PXK: variants seen among roughly 807,000 people sequenced by gnomAD.
PXK encodes the protein PX domain containing serine/threonine kinase like, also known as PX domain-containing protein kinase-like protein.
PXK carries 35 observed loss-of-function variants against 84.7 expected under a neutral mutation model. The ratio of observed to expected loss-of-function variants is 0.41; its 90% confidence interval spans 0.32 to 0.55. The LOEUF (loss-of-function observed/expected upper bound fraction) is 0.55, where lower values mean the gene tolerates loss of function less well. Among genes scored for constraint, PXK ranks in the 20% least tolerant of loss-of-function variants. The pLI is 0.21. For synonymous variants in PXK, 253 were observed against 260.8 expected, an observed-to-expected ratio of 0.97 and a Z score of 0.29; for missense variants, 634 against 699.7, an observed-to-expected ratio of 0.91 and a Z score of 1.06.
At chr3:58,344,619 T>C (rs900097718) in intron 1 of PXK, among the ~76,000 whole-genome samples, 3 of 152,050 alleles carry the variant, frequency 2.0e-5, no homozygotes, top group African/African-American at 7.2e-5. Flanking sequence ...AGGCCAGGAG[T>C]TCGAGACCAG....
Position 58,409,774 on chromosome 3 carries a change from G to GA in PXK, c.1395+165dup, listed in dbSNP as rs34734687. Among the ~76,000 whole-genome samples the GA allele has an allele frequency of 0.74, 110,909 of 150,424 alleles. 41,290 individuals are homozygous for GA. The highest frequency in any genetic ancestry group is 0.81 in the South Asian group (3,861 of 4,752). Reference sequence around the variant, plus strand: ...ATGACTGGGGTGCAGTTTTTTTGGGGAAAAAAAAAGAGTCATATGATAATC... The same window carrying GA: ...ATGACTGGGGTGCAGTTTTTTTGGGGAAAAAAAAAAGAGTCATATGATAATC... On this transcript the variant is annotated intron_variant, in intron 15 of 17. Coordinates refer to ENST00000356151, the MANE Select transcript of PXK (RefSeq NM_017771.5). This position sits in a 1 kb window ranked among gnomAD's most constrained non-coding sequence, Gnocchi z 4.2.
In PXK at chr3:58,382,940, T is replaced by C. The variant is rs1007388582; in HGVS notation, c.388+240T>C. Among the ~76,000 whole-genome samples, 13 of 152,260 alleles carry C rather than the reference T, an allele frequency of 8.5e-5. 2 individuals are homozygous for C. Among genetic ancestry groups the C allele is most frequent in the Admixed American group, 6.5e-5 (1 of 15,286 alleles). On this transcript the variant is annotated intron_variant, in intron 4 of 17. Transcript: ENST00000356151. ...ACAGAAAAATATGGAAGAGAAATTA[T>C]TGTATGTATACTTATACTCTTGCCT...
In PXK at chr3:58,333,220, G is replaced by A. The variant is rs1284868679; in HGVS notation, c.102+130G>A. 5 of 472,788 alleles carry A rather than the reference G, an allele frequency of 1.1e-5. No homozygotes were observed. The highest frequency in any genetic ancestry group is 6.2e-5 in the Admixed American group (1 of 16,238). 29.3% of individuals were successfully genotyped at this position (472,788 alleles called of 1,614,324 possible). Reference sequence around the variant, plus strand: ...GGCCACAGGGTGGGCGGCCCTGGCCGAGAAGGCTGTGGCGCGCCGCTGGGT... The same window carrying A: ...GGCCACAGGGTGGGCGGCCCTGGCCAAGAAGGCTGTGGCGCGCCGCTGGGT... On this transcript the variant is annotated intron_variant, in intron 1 of 17. Coordinates refer to ENST00000356151, the MANE Select transcript of PXK (RefSeq NM_017771.5). The surrounding 1 kb of genome is among the most constrained non-coding windows in gnomAD (Gnocchi z 5.4).
intron 1 of PXK, among the ~76,000 whole-genome samples, chr3:58,355,603 T>C (rs149363392): frequency 1.2e-4 from 19 of 152,342 alleles, no homozygotes; most frequent in Middle Eastern, 3.4e-3. Flanking sequence ...TACTGTGCAG[T>C]GAAATCCCAC....
At position 58,409,985 on chromosome 3, in the gene PXK, G is replaced by T; in HGVS notation, c.1396-105G>T. On this transcript the variant is annotated intron_variant, in intron 15 of 17. Coordinates refer to ENST00000356151, the MANE Select transcript of PXK (RefSeq NM_017771.5). The surrounding 1 kb of genome is among the most constrained non-coding windows in gnomAD (Gnocchi z 4.2). ...CTGAATATTACCTTGTCTGCAGCTA[G>T]TTTAATGGTATGCCTGGAAAATATT... is the stretch of plus-strand genomic sequence containing the variant. The T allele has an allele frequency of 1.4e-6, 1 of 734,842 alleles. No individual in the cohort carries two copies. The highest frequency in any genetic ancestry group is 1.7e-5 in the South Asian group (1 of 59,892). The allele number at this position is 734,842 out of a possible 1,614,324, so 45.5% of individuals were successfully genotyped here.
intron 13 of PXK, among the ~76,000 whole-genome samples, chr3:58,405,584 CAGG>C: frequency 6.6e-6 from 1 of 151,448 alleles, no homozygotes; most frequent in African/African-American, 2.4e-5. Context: ...GAGGCTGAAG[CAGG>C]AGAATTGCTT....
At position 58,333,029 on chromosome 3, in the gene PXK, T is replaced by G. The variant is rs1387738309; in HGVS notation, c.41T>G (p.Leu14Arg). 6 of 1,361,790 alleles carry G rather than the reference T, an allele frequency of 4.4e-6. No individual in the cohort carries two copies. Among genetic ancestry groups the G allele is most frequent in the Non-Finnish European group, 3.8e-6 (4 of 1,043,836 alleles). 84.4% of individuals were successfully genotyped at this position (1,361,790 alleles called of 1,614,324 possible). The change falls in exon 1 of 18, where the codon CTG (leucine) becomes CGG (arginine). Residue 14 changes from leucine (L) to arginine (R), a missense_variant. Leu to Arg is a moderately radical substitution (Grantham distance 102). Transcript: ENST00000356151. This position sits in a 1 kb window ranked among gnomAD's most constrained non-coding sequence, Gnocchi z 5.4. ...MEKPPAGKVLLDDTVPLTAAI... is the reference protein window; with the variant it reads ...MEKPPAGKVLRDDTVPLTAAI... ...AAGCCGCCAGCCGGCAAGGTGCTGC[T>G]GGACGACACGGTGCCGCTGACAGCA...
Position 58,403,734 on chromosome 3 carries a change from C to G in PXK, c.1182-128C>G, listed in dbSNP as rs139370668. The G allele has an allele frequency of 6.7e-6, 3 of 445,456 alleles. No homozygotes were observed. In the East Asian group the frequency reaches 1.0e-4, roughly 15 times the overall value. The allele number at this position is 445,456 out of a possible 1,614,324, so 27.6% of individuals were successfully genotyped here. ...ATGAACATGGAATGGTGGATTGGGC[C>G]AGGGGCTGGAGGATGTGGTGCAGGG... On this transcript the variant is annotated intron_variant, in intron 12 of 17. Transcript: ENST00000356151.
intron 8 of PXK, 30 bp downstream of exon 8, chr3:58,395,132 A>G (rs1560055091): frequency 2.0e-6 from 3 of 1,516,824 alleles, no homozygotes; most frequent in East Asian, 2.3e-5. Context: ...GTCATAAGGA[A>G]TTCTCAAGTT....
chr3:58,377,101 A>G (rs1259897466), intron 3 of PXK, among the ~76,000 whole-genome samples: 1 of 152,218 alleles, frequency 6.6e-6, no homozygotes, highest in African/African-American at 2.4e-5. Flanking sequence ...GAGGCAAATG[A>G]TGTGAAATTT....
intron 3 of PXK, among the ~76,000 whole-genome samples, chr3:58,375,815 G>C (rs1224311924): frequency 6.6e-6 from 1 of 151,924 alleles, no homozygotes; most frequent in African/African-American, 2.4e-5. Flanking sequence ...TTGTTAAGTT[G>C]GCAAAATCTC....
chr3:58,373,178 C>T (rs551993325), intron 3 of PXK, among the ~76,000 whole-genome samples: 16 of 151,408 alleles, frequency 1.1e-4, no homozygotes, highest in African/African-American at 3.9e-4. Flanking sequence ...CCCAGGTTCA[C>T]GCCATTCTCC....
At chr3:58,359,786 A>G (rs1005763675) in intron 1 of PXK, among the ~76,000 whole-genome samples, 9 of 152,166 alleles carry the variant, frequency 5.9e-5, no homozygotes, top group African/African-American at 2.2e-4. Context: ...CAAATGTAAG[A>G]CTGTCAGTTG....
chr3:58,356,988 A>G (rs1368098612), intron 1 of PXK, among the ~76,000 whole-genome samples: 1 of 150,982 alleles, frequency 6.6e-6, no homozygotes, highest in Non-Finnish European at 1.5e-5. Context: ...CGAGCAATCT[A>G]GAAAACTTCA....
At chr3:58,381,235 C>T (rs1300841705) in intron 3 of PXK, among the ~76,000 whole-genome samples, 3 of 103,260 alleles carry the variant, frequency 2.9e-5, no homozygotes, top group South Asian at 3.8e-4. Flanking sequence ...GGCGATAGTG[C>T]GAGACTCCGT....
At chr3:58,378,527 T>G in intron 3 of PXK, among the ~76,000 whole-genome samples, 1 of 60,754 alleles carries the variant, frequency 1.6e-5, no homozygotes, top group Non-Finnish European at 4.0e-5. Context: ...TGTGTGTGTG[T>G]GTGTGTGTGT....
rs772702375 is a variant in PXK at position 58,390,656 on chromosome 3, A to G, written c.463A>G (p.Ile155Val). 24 of 1,611,756 alleles carry G rather than the reference A, an allele frequency of 1.5e-5. No homozygotes were observed. In the South Asian group the frequency reaches 2.2e-4, roughly 15 times the overall value. Reference sequence around the variant, plus strand: ...GGAGGTGGTGGAACCTTTGAAAGACATAGGTGAGACATTGGCACGCTCATT... The same window carrying G: ...GGAGGTGGTGGAACCTTTGAAAGACGTAGGTGAGACATTGGCACGCTCATT... ...KWEVVEPLKD[I>V]GWRIRKKYFL... The change falls in exon 5 of 18, where the codon ATA becomes GTA. Residue 155 changes from isoleucine to valine, a missense_variant. This residue lies in a region of PXK where 353 missense variants were observed against 385.2 expected (regional missense o/e 0.92). Transcript: ENST00000356151. The surrounding 1 kb of genome is among the most constrained non-coding windows in gnomAD (Gnocchi z 4.2).
At chr3:58,387,800 AAAG>A in intron 4 of PXK, among the ~76,000 whole-genome samples, 1 of 152,084 alleles carries the variant, frequency 6.6e-6, no homozygotes, top group Non-Finnish European at 1.5e-5. Context: ...CAGAGGAGAG[AAAG>A]AAGGAGAGAG....
intron 12 of PXK, among the ~76,000 whole-genome samples, chr3:58,402,976 G>A (rs568906817): frequency 6.6e-6 from 1 of 150,388 alleles, no homozygotes; most frequent in South Asian, 2.1e-4. Flanking sequence ...TAGACCCGGT[G>A]TCTGTTGTTT....
Sources: gnomAD v4.1 joint callset for allele counts (sites outside exome capture counted in the v4.1 genomes callset) on GRCh38, gnomAD v4.1.1 for gene constraint, gnomAD v4.1.1 regional missense constraint, Gnocchi (gnomAD v3.1) non-coding constraint, MANE v1.5 for transcripts, NCBI Gene and HGNC (gene_info 2026-07-23, HGNC 2026-07-21) for gene names.